Variants in CPOX observed in about 807,000 individuals in gnomAD.
CPOX encodes the protein coproporphyrinogen oxidase.
A neutral mutation model predicts 48.9 loss-of-function variants in CPOX; 24 were observed. The observed-to-expected ratio is 0.49, with a 90% CI of 0.36 to 0.69. The LOEUF is 0.69. Ranked by LOEUF, CPOX falls within the 30% of genes least tolerant of loss-of-function variation. CPOX has a pLI of 0.00. For synonymous variants in CPOX, 249 were observed against 234.6 expected (o/e 1.06, Z -0.56); for missense variants, 549 against 597.3 (o/e 0.92, Z 0.84).
At chr3:98,576,498 A>G (rs921571224), downstream of CPOX, among the ~76,000 whole-genome samples, 9 of 152,200 alleles carry the variant, frequency 5.9e-5, no homozygotes, top group South Asian at 2.1e-4. Context: ...AACCCTAACC[A>G]TATCAGTGAG....
chr3:98,589,892 G>A (rs1337977673), intron 3 of CPOX: 2 of 154,058 alleles, frequency 1.3e-5, no homozygotes, highest in Admixed American at 6.4e-5. Context: ...ATGTGCACAG[G>A]AGGCATGATC....
the CPOX span, among the ~76,000 whole-genome samples, chr3:98,574,016 C>G: frequency 6.6e-6 from 1 of 152,154 alleles, no homozygotes; most frequent in Non-Finnish European, 1.5e-5. Flanking sequence ...ACTGCATGCA[C>G]TTCCTTGGGT....
chr3:98,576,366 TAC>T (rs1352833844), downstream of CPOX, among the ~76,000 whole-genome samples: 2 of 152,206 alleles, frequency 1.3e-5, no homozygotes, highest in Non-Finnish European at 2.9e-5. Context: ...ACTCACTCAC[TAC>T]CACGAGAACA....
chr3:98,579,686 A>C lies in CPOX; in HGVS notation c.*997T>G. On this transcript the variant is annotated 3_prime_UTR_variant, in exon 7 of 7. Transcript: ENST00000647941. ...AGAATCCTGTTGTGATTTGCTCTTA[A>C]GAGCAAAGAGCTGCAGAATCTCTAA... 1 of 985,310 alleles carries C rather than the reference A, an allele frequency of 1.0e-6. No homozygotes were observed. Among genetic ancestry groups the C allele is most frequent in the Non-Finnish European group, 1.2e-6 (1 of 829,754 alleles). The allele number at this position is 985,310 out of a possible 1,614,324, so 61.0% of individuals were successfully genotyped here.
Position 98,580,380 on chromosome 3 carries a change from T to C in CPOX, c.*303A>G. The C allele has an allele frequency of 2.7e-6, 3 of 1,123,408 alleles. No homozygotes were observed. Among genetic ancestry groups the C allele is most frequent in the Non-Finnish European group, 2.2e-6 (2 of 910,768 alleles). 69.6% of individuals were successfully genotyped at this position (1,123,408 alleles called of 1,614,324 possible). On this transcript the variant is annotated 3_prime_UTR_variant, in exon 7 of 7. Transcript: ENST00000647941. ...AAGATGAGAGATTTCCTGATACATA[T>C]AATACTATTTATATTCCCTTATCTC...
Position 98,580,538 on chromosome 3 carries a change from T to G in CPOX, c.*145A>C. 6.7e-7 allele frequency: 1 copy of G among 1,501,582 alleles called. No individual in the cohort carries two copies. Among genetic ancestry groups the G allele is most frequent in the Non-Finnish European group, 8.9e-7 (1 of 1,126,078 alleles). 93.0% of individuals were successfully genotyped at this position (1,501,582 alleles called of 1,614,324 possible). A position where few individuals can be genotyped will look rare whatever the true frequency, so the allele number is the denominator to read the frequency against. Reference sequence around the variant, plus strand: ...TTCATCACTGACAGCATCCAAAACATGTTATCATCTGCCCACGAGGTAGGG... The same window carrying G: ...TTCATCACTGACAGCATCCAAAACAGGTTATCATCTGCCCACGAGGTAGGG... On this transcript the variant is annotated 3_prime_UTR_variant, in exon 7 of 7. Transcript: ENST00000647941.
downstream of CPOX, among the ~76,000 whole-genome samples, chr3:98,576,303 G>A (rs951261806): frequency 1.3e-5 from 2 of 152,158 alleles, no homozygotes; most frequent in East Asian, 1.9e-4. Context: ...GGAAGGAGAA[G>A]TGCTGAGCAA....
At chr3:98,581,026 T>C (rs534356828) in intron 6 of CPOX, among the ~76,000 whole-genome samples, 48 of 152,304 alleles carry the variant, frequency 3.2e-4, no homozygotes, top group African/African-American at 1.1e-3. Context: ...ACACCTTTAA[T>C]ATAAACCAGG....
At chr3:98,574,304 G>T in the CPOX span, among the ~76,000 whole-genome samples, 1 of 152,148 alleles carries the variant, frequency 6.6e-6, no homozygotes, top group East Asian at 1.9e-4. Context: ...ATTCTGATAG[G>T]GCACAGCAAC....
At chr3:98,585,336 A>T in intron 5 of CPOX, 105 bp downstream of exon 5, 1 of 888,652 alleles carries the variant, frequency 1.1e-6, no homozygotes, top group Non-Finnish European at 1.9e-6. Flanking sequence ...AAAAGAAATT[A>T]ACACAACTAT....
In CPOX at chr3:98,593,085, C is replaced by A; in HGVS notation, c.420G>T (p.Glu140Asp). 1.9e-6 allele frequency: 3 copies of A among 1,613,952 alleles called. No individual in the cohort carries two copies. Among genetic ancestry groups the A allele is most frequent in the South Asian group, 2.2e-5 (2 of 91,032 alleles). ...TCATGTCGCCCGGCCTCCTTCGCAG[C>A]TCGCCCAGGTCGGTCACAGGCGGGG... Reference protein sequence around the residue: ...FMAPPVTDLGELRRRPGDMKT... With the variant: ...FMAPPVTDLGDLRRRPGDMKT... Residue 140 changes from glutamate (E) to aspartate (D), a missense_variant, in exon 1 of 7, where the codon GAG (glutamate) becomes GAT (aspartate). Around this residue, in one of 2 missense-constraint regions of CPOX, gnomAD observed 336 missense variants for 318.1 expected, o/e 1.06. Coordinates refer to ENST00000647941, the MANE Select transcript of CPOX (RefSeq NM_000097.7).
intron 3 of CPOX, among the ~76,000 whole-genome samples, chr3:98,590,199 G>A (rs1287652512): frequency 9.9e-5 from 15 of 152,258 alleles, no homozygotes; most frequent in African/African-American, 3.6e-4. Flanking sequence ...CCAGGCTGGA[G>A]TGCAGTGGCA....
At chr3:98,585,412 A>G (rs1319347748) in intron 5 of CPOX, 29 bp downstream of exon 5, 1 of 1,585,946 alleles carries the variant, frequency 6.3e-7, no homozygotes, top group Non-Finnish European at 8.7e-7. Context: ...CCACTTAGCC[A>G]TGAAAGAATT....
intron 1 of CPOX, among the ~76,000 whole-genome samples, 181 bp downstream of exon 1, chr3:98,592,768 A>T (rs1707504303): frequency 6.6e-6 from 1 of 152,164 alleles, no homozygotes; most frequent in Non-Finnish European, 1.5e-5. Context: ...ACCTGCAAGC[A>T]GAGGGCTAGT....
intron 4 of CPOX, 58 bp downstream of exon 4, chr3:98,588,655 C>T: frequency 6.3e-7 from 1 of 1,583,792 alleles, no homozygotes; most frequent in Non-Finnish European, 8.7e-7. Flanking sequence ...ATAATAGTTG[C>T]CTTCAGAAGG....
At chr3:98,575,209 A>G (rs1247134626), downstream of CPOX, among the ~76,000 whole-genome samples, 1 of 152,230 alleles carries the variant, frequency 6.6e-6, no homozygotes, top group African/African-American at 2.4e-5. Context: ...TCATAAGAAA[A>G]CACATCCATG....
Position 98,580,713 on chromosome 3 carries a change from A to G in CPOX, c.1335T>C (p.Val445=). 1 of 1,614,204 alleles carries G rather than the reference A, an allele frequency of 6.2e-7. No homozygotes were observed. The change falls in exon 7 of 7, where the codon GTT becomes GTC. Residue 445 remains valine, a synonymous_variant. Transcript: ENST00000647941. ...GCACCCAGTCCCTTGGATGGCGTAG[A>G]ACTTCCAGAATTTCAGCTTCTTTGG... ...ENSKEAEILE[V]LRHPRDWVR
chr3:98,580,371 T>C lies in CPOX; in HGVS notation c.*312A>G, dbSNP rs1477947258. ...AACAAAAACAAGATGAGAGATTTCC[T>C]GATACATATAATACTATTTATATTC... On this transcript the variant is annotated 3_prime_UTR_variant, in exon 7 of 7. Transcript: ENST00000647941. The C allele has an allele frequency of 1.9e-6, 2 of 1,033,360 alleles. No homozygotes were observed. The highest frequency in any genetic ancestry group is 5.4e-5 in the Admixed American group (1 of 18,606). The allele number at this position is 1,033,360 out of a possible 1,614,324, so 64.0% of individuals were successfully genotyped here. A position where few individuals can be genotyped will look rare whatever the true frequency, so the allele number is the denominator to read the frequency against.
rs199774737 is a variant in CPOX at position 98,591,027 on chromosome 3, G to A, written c.685C>T (p.Leu229=). ...TCTGATTTACCATCTTTAGTCTTCA[G>A]AACTTTTCCTCTGCTTCTCATTTGT... ...AKQMRSRGKV[L]KTKDGKLPFC... Residue 229 remains leucine, a synonymous_variant, in exon 2 of 7, where the codon CTG becomes TTG. Coordinates refer to ENST00000647941, the MANE Select transcript of CPOX (RefSeq NM_000097.7). 44 of 1,614,008 alleles carry A rather than the reference G, an allele frequency of 2.7e-5. No individual in the cohort carries two copies. Among genetic ancestry groups the A allele is most frequent in the Non-Finnish European group, 3.7e-5 (44 of 1,180,016 alleles).
Sources: allele counts gnomAD v4.1 joint callset (sites outside exome capture counted in the v4.1 genomes callset), GRCh38; gene constraint gnomAD v4.1.1; regional missense constraint gnomAD v4.1.1; transcripts MANE v1.5; gene names NCBI Gene and HGNC (gene_info 2026-07-23, HGNC 2026-07-21).